Variants in LRRC39 observed in about 807,000 individuals in gnomAD.
LRRC39 encodes the protein leucine rich repeat containing 39.
LRRC39 carries 35 observed loss-of-function variants against 39.7 expected under a neutral mutation model. The ratio of observed to expected loss-of-function variants is 0.88; its 90% CI spans 0.67 to 1.17. LRRC39 has a LOEUF of 1.17. Ranked by LOEUF, LRRC39 falls within the 50% of genes most tolerant of loss-of-function variation. The probability of loss-of-function intolerance (pLI) is 0.00; values close to 1 mark genes in which losing one functional copy is unlikely to be tolerated. For synonymous variants in LRRC39, 113 were observed against 134.1 expected, an observed-to-expected ratio of 0.84 and a Z score of 1.09; for missense variants, 357 against 385.8, an observed-to-expected ratio of 0.93 and a Z score of 0.62.
At chr1:100,159,224 T>A in intron 5 of LRRC39, 35 bp downstream of exon 5, 2 of 1,538,466 alleles carry the variant, frequency 1.3e-6, no homozygotes, top group Non-Finnish European at 1.7e-6. Context: ...TGCAGGTGGA[T>A]AAAATAGCAC....
chr1:100,175,407 T>G (rs1379187331), intron 1 of LRRC39, among the ~76,000 whole-genome samples: 2 of 151,430 alleles, frequency 1.3e-5, no homozygotes, highest in Non-Finnish European at 2.9e-5. Flanking sequence ...AGGCTGGTCT[T>G]GAACTCCTGG....
At chr1:100,155,746 A>G (rs1206680915) in intron 7 of LRRC39, among the ~76,000 whole-genome samples, 1 of 152,240 alleles carries the variant, frequency 6.6e-6, no homozygotes, top group Non-Finnish European at 1.5e-5. Context: ...GCCTAGGTTC[A>G]AATCCTAGCT....
At chr1:100,159,159 G>T in intron 5 of LRRC39, 100 bp downstream of exon 5, 1 of 1,003,146 alleles carries the variant, frequency 1.0e-6, no homozygotes, top group South Asian at 2.4e-5. Flanking sequence ...GTTGAGGGCT[G>T]TATAAAGAGG....
At chr1:100,164,219 C>G (rs1189792928) in intron 3 of LRRC39, among the ~76,000 whole-genome samples, 2 of 152,152 alleles carry the variant, frequency 1.3e-5, no homozygotes, top group Non-Finnish European at 2.9e-5. Context: ...TCTGTTTAAA[C>G]TGTAGGCTTT....
chr1:100,153,732 A>C (rs1658239596), intron 8 of LRRC39, among the ~76,000 whole-genome samples: 1 of 152,086 alleles, frequency 6.6e-6, no homozygotes, highest in Non-Finnish European at 1.5e-5. Flanking sequence ...CTTAGTAAAA[A>C]GTTATATCTA....
chr1:100,154,574 T>A (rs1658317571), intron 8 of LRRC39, among the ~76,000 whole-genome samples: 3 of 152,182 alleles, frequency 2.0e-5, no homozygotes, highest in Admixed American at 2.0e-4. Context: ...AGAAAAAAAG[T>A]CTTAAAAACT....
At chr1:100,152,841 T>C (rs1658156323) in intron 8 of LRRC39, among the ~76,000 whole-genome samples, 1 of 152,152 alleles carries the variant, frequency 6.6e-6, no homozygotes, top group African/African-American at 2.4e-5. Flanking sequence ...ATTCTTGTGC[T>C]TCAGCCTCCC....
intron 7 of LRRC39, 24 bp downstream of exon 7, chr1:100,156,148 A>G: frequency 6.3e-7 from 1 of 1,593,318 alleles, no homozygotes; most frequent in Non-Finnish European, 8.6e-7. Context: ...TTTTATCATT[A>G]GCATAAAGAG....
At chr1:100,164,383 G>C (rs1320892188) in intron 3 of LRRC39, among the ~76,000 whole-genome samples, 1 of 152,164 alleles carries the variant, frequency 6.6e-6, no homozygotes, top group Non-Finnish European at 1.5e-5. Flanking sequence ...GTGATTTGCA[G>C]AACAGCAGCA....
At chr1:100,154,320 G>GA (rs949734215) in intron 8 of LRRC39, among the ~76,000 whole-genome samples, 11 of 151,406 alleles carry the variant, frequency 7.3e-5, no homozygotes, top group African/African-American at 1.9e-4. Context: ...CTTTTCTCAA[G>GA]AAAAAAAATT....
At position 100,159,242 on chromosome 1, in the gene LRRC39, A is replaced by T. The variant is rs1054365739; in HGVS notation, c.376+17T>A. ...AGGTGGATAAAATAGCACAGGAATAAAAGTAATCTTTCTTACCAATCCCTG... is the reference window on the plus strand; with the variant it reads ...AGGTGGATAAAATAGCACAGGAATATAAGTAATCTTTCTTACCAATCCCTG... On this transcript the variant is annotated intron_variant, in intron 5 of 9. Coordinates refer to ENST00000370137, the MANE Select transcript of LRRC39 (RefSeq NM_144620.4). The T allele has an allele frequency of 6.3e-7, 1 of 1,576,650 alleles. No individual in the cohort carries two copies. The highest frequency in any genetic ancestry group is 1.2e-5 in the South Asian group (1 of 82,676).
intron 1 of LRRC39, 95 bp from the exon 2 acceptor site, chr1:100,173,465 T>C (rs1226460978): frequency 6.6e-6 from 1 of 152,154 alleles, no homozygotes; most frequent in Non-Finnish European, 1.5e-5. Context: ...ATACTCTAAG[T>C]AGAAGATAAT....
In LRRC39 at chr1:100,155,107, G is replaced by C; in HGVS notation, c.756C>G (p.Leu252=). Residue 252 remains leucine (L), a synonymous_variant, in exon 8 of 10, where the codon CTC becomes CTG. Transcript: ENST00000370137. Reference sequence around the variant, plus strand: ...GAATATCTTGCAGTTTATTGTTGCTGAGAACAAGAGTACCCAGATTTTTCA... The same window carrying C: ...GAATATCTTGCAGTTTATTGTTGCTCAGAACAAGAGTACCCAGATTTTTCA... The part of the protein sequence containing the change: ...SNMKNLGTLV[L]SNNKLQDIPV... 1.9e-6 allele frequency: 3 copies of C among 1,608,728 alleles called. No individual in the cohort carries two copies. Among genetic ancestry groups the C allele is most frequent in the Non-Finnish European group, 2.5e-6 (3 of 1,178,168 alleles).
At chr1:100,177,295 A>T (rs1270372162) in intron 1 of LRRC39, among the ~76,000 whole-genome samples, 8 of 152,234 alleles carry the variant, frequency 5.3e-5, no homozygotes, top group African/African-American at 1.9e-4. Flanking sequence ...GATAGATAAT[A>T]TTGCTTTTCA....
chr1:100,173,809 G>A (rs554265684), intron 1 of LRRC39, among the ~76,000 whole-genome samples: 14 of 151,840 alleles, frequency 9.2e-5, no homozygotes, highest in East Asian at 7.7e-4. Flanking sequence ...ATATTCCAGC[G>A]GAAAATATAT....
chr1:100,173,046 C>CA lies in LRRC39; in HGVS notation c.-79+284dup, dbSNP rs953023357. On this transcript the variant is annotated intron_variant, in intron 2 of 9. Coordinates refer to ENST00000370137, the MANE Select transcript of LRRC39 (RefSeq NM_144620.4). ...GGGTGACACAGCGAGAATCTGTCTCCAAAAAAAATAAAAATAAAATAAATA... is the reference window on the plus strand; with the variant it reads ...GGGTGACACAGCGAGAATCTGTCTCCAAAAAAAAATAAAAATAAAATAAATA... Among the ~76,000 whole-genome samples the CA allele has an allele frequency of 6.8e-5, 10 of 146,080 alleles. No homozygotes were observed. In the South Asian group the frequency reaches 1.1e-3, roughly 16 times the overall value.
intron 3 of LRRC39, among the ~76,000 whole-genome samples, chr1:100,163,064 G>A (rs1376840912): frequency 6.6e-6 from 1 of 152,332 alleles, no homozygotes; most frequent in East Asian, 1.9e-4. Context: ...CCCTGTGGCA[G>A]TGGGATATGT....
chr1:100,171,503 CT>C lies in LRRC39; in HGVS notation c.-79+1827del, dbSNP rs748078318. ...AAACACACTTTTTTTTTTCTTTCTT[CT>C]TTTTTTTTTTTTTTTTGAGACATGG... On this transcript the variant is annotated intron_variant, in intron 2 of 9. Coordinates refer to ENST00000370137, the MANE Select transcript of LRRC39 (RefSeq NM_144620.4). Among the ~76,000 whole-genome samples the C allele has an allele frequency of 1.9e-3, 243 of 130,736 alleles. 1 individual carries two copies. Among genetic ancestry groups the C allele is most frequent in the South Asian group, 3.4e-3 (14 of 4,090 alleles). The allele number at this position is 130,736 out of a possible 152,430, so 85.8% of individuals were successfully genotyped here. A position where few individuals can be genotyped will look rare whatever the true frequency, so the allele number is the denominator to read the frequency against.
In LRRC39 at chr1:100,159,504, G is replaced by A. The variant is rs1658712530; in HGVS notation, c.220-89C>T. On this transcript the variant is annotated intron_variant, in intron 4 of 9. Transcript: ENST00000370137. ...GAAATGTGATATTTGACTTATACAA[G>A]CACTTTGGAATATTTGGAATTTGTT... 3.7e-6 allele frequency: 4 copies of A among 1,076,590 alleles called. No individual in the cohort carries two copies. The South Asian group carries it at 1.3e-4, about 36-fold the overall frequency. 66.7% of individuals were successfully genotyped at this position (1,076,590 alleles called of 1,614,324 possible).
Sources: gnomAD v4.1 joint callset for allele counts (sites outside exome capture counted in the v4.1 genomes callset) on GRCh38, gnomAD v4.1.1 for gene constraint, MANE v1.5 for transcripts, NCBI Gene and HGNC (gene_info 2026-07-23, HGNC 2026-07-21) for gene names.